Variants in FOXP1 observed in about 807,000 individuals in gnomAD.
The protein encoded by FOXP1 is forkhead box P1, also known as forkhead box protein P1.
In FOXP1, 15 loss-of-function variants were observed where a neutral mutation model predicts 98.2. That is an observed-to-expected ratio of 0.15 (90% CI 0.10 to 0.24). The LOEUF is 0.24. Among genes scored for constraint, FOXP1 ranks in the 10% least tolerant of loss-of-function variants. The probability of loss-of-function intolerance (pLI) is 1.00; values close to 1 mark genes in which losing one functional copy is unlikely to be tolerated. For synonymous variants in FOXP1, 371 were observed against 314.5 expected, an observed-to-expected ratio of 1.18 and a Z score of -1.90; for missense variants, 633 against 848.5, an observed-to-expected ratio of 0.75 and a Z score of 3.15.
intron 7 of FOXP1, among the ~76,000 whole-genome samples, chr3:71,063,163 A>T (rs2051783811): frequency 6.6e-6 from 1 of 152,244 alleles, no homozygotes; most frequent in Admixed American, 6.5e-5. Context: ...CTGGGTAGGC[A>T]GTCTGTATTT....
At chr3:70,983,888 C>G (rs897869589) in intron 14 of FOXP1, among the ~76,000 whole-genome samples, 1 of 152,122 alleles carries the variant, frequency 6.6e-6, no homozygotes, top group Admixed American at 6.6e-5. Flanking sequence ...CTCCCTCCCC[C>G]AAATGAAGTA....
intron 2 of FOXP1, among the ~76,000 whole-genome samples, chr3:71,524,373 A>C (rs2043215769): frequency 6.6e-6 from 1 of 152,172 alleles, no homozygotes; most frequent in South Asian, 2.1e-4. Context: ...AAAAACAAAC[A>C]AAGAAAAAAT....
At chr3:71,112,717 G>A (rs1042280185) in intron 6 of FOXP1, 80 bp from the exon 7 acceptor site, 39 of 1,053,700 alleles carry the variant, frequency 3.7e-5, no homozygotes, top group Non-Finnish European at 4.9e-5. Context: ...TCCAGGAAGT[G>A]CGCTTTGGGA....
intron 17 of FOXP1, among the ~76,000 whole-genome samples, chr3:70,974,432 GGACTAGAGACAT>G (rs1445763917): frequency 6.6e-6 from 1 of 151,808 alleles, no homozygotes; most frequent in African/African-American, 2.4e-5. Context: ...TGAGTAGTTG[GGACTAGAGACAT>G]GTGTCACCAC....
chr3:71,005,850 C>G (rs2042740778), intron 12 of FOXP1, among the ~76,000 whole-genome samples: 1 of 152,082 alleles, frequency 6.6e-6, no homozygotes, highest in South Asian at 2.1e-4. Context: ...ATACAGCACA[C>G]ATAAAATAAA....
intron 4 of FOXP1, among the ~76,000 whole-genome samples, chr3:71,347,027 T>G (rs2077409375): frequency 6.6e-6 from 1 of 152,102 alleles, no homozygotes; most frequent in East Asian, 1.9e-4. Context: ...AGAGCAAGAC[T>G]CCATCTCAAA....
chr3:71,123,602 C>T (rs942890390), intron 6 of FOXP1, among the ~76,000 whole-genome samples: 2 of 152,186 alleles, frequency 1.3e-5, no homozygotes, highest in African/African-American at 4.8e-5. Flanking sequence ...TAAAGTCCAG[C>T]CACAGTTAAT....
At chr3:71,529,796 G>A (rs114464865) in intron 2 of FOXP1, among the ~76,000 whole-genome samples, 2 of 152,122 alleles carry the variant, frequency 1.3e-5, no homozygotes, top group East Asian at 1.9e-4. Context: ...CTTGTCCTGC[G>A]ACTGTCTTCC....
intron 9 of FOXP1, 121 bp downstream of exon 9, chr3:71,052,416 G>A: frequency 2.7e-6 from 2 of 753,670 alleles, no homozygotes; most frequent in South Asian, 1.4e-5. Flanking sequence ...CAGTCTGAAA[G>A]CTGAGAACCG....
At chr3:71,198,432 G>GCC in intron 5 of FOXP1, 40 bp from the exon 6 acceptor site, 2 of 491,034 alleles carry the variant, frequency 4.1e-6, no homozygotes, top group Non-Finnish European at 8.0e-6. Context: ...GGGAGGGGGG[G>GCC]AGAAAAAAAA....
chr3:71,581,258 G>A (rs1409328248), intron 2 of FOXP1: 1 of 985,276 alleles, frequency 1.0e-6, no homozygotes, highest in East Asian at 1.1e-4. Flanking sequence ...AGTGGGGTGA[G>A]AAGGGGGGCG....
At chr3:70,961,690 A>C (rs973946347) in intron 20 of FOXP1, among the ~76,000 whole-genome samples, 2 of 152,038 alleles carry the variant, frequency 1.3e-5, no homozygotes, top group African/African-American at 4.8e-5. Context: ...TGGCTGCATA[A>C]TTTTGGAAGC....
chr3:71,378,514 G>A (rs1014786523), intron 3 of FOXP1, among the ~76,000 whole-genome samples: 7 of 151,948 alleles, frequency 4.6e-5, no homozygotes, highest in Non-Finnish European at 8.8e-5. Context: ...CTTTGTCCAG[G>A]GTCTCCATGC....
chr3:71,134,628 AG>A (rs961084045), intron 6 of FOXP1, among the ~76,000 whole-genome samples: 2 of 152,250 alleles, frequency 1.3e-5, no homozygotes, highest in Non-Finnish European at 2.9e-5. Context: ...GGGCAATTAA[AG>A]CCAAAGATAC....
intron 6 of FOXP1, chr3:71,130,627 T>C (rs750515529): frequency 3.1e-6 from 5 of 1,598,280 alleles, no homozygotes; most frequent in Admixed American, 1.7e-5. Context: ...GATGTTTGAA[T>C]AAACAGGAAG....
chr3:71,291,712 ATT>A (rs11438381), intron 5 of FOXP1, among the ~76,000 whole-genome samples: 24,950 of 124,680 alleles, frequency 0.2, 1,920 homozygotes, highest in Middle Eastern at 0.27. Context: ...CTTATTCTGT[ATT>A]TTTTTTTTTT....
At chr3:71,106,251 T>C (rs1377274776) in intron 7 of FOXP1, among the ~76,000 whole-genome samples, 2 of 152,268 alleles carry the variant, frequency 1.3e-5, no homozygotes, top group Non-Finnish European at 2.9e-5. Flanking sequence ...CATGATTACA[T>C]ATAAAATATT....
At chr3:71,036,784 T>C (rs1255897266) in intron 11 of FOXP1, among the ~76,000 whole-genome samples, 1 of 152,212 alleles carries the variant, frequency 6.6e-6, no homozygotes, top group East Asian at 1.9e-4. Context: ...GCCTGGTAAA[T>C]ATGAATATAC....
chr3:71,376,885 G>A (rs1465460905), intron 3 of FOXP1, among the ~76,000 whole-genome samples: 1 of 151,990 alleles, frequency 6.6e-6, no homozygotes, highest in Non-Finnish European at 1.5e-5. Context: ...ATACAAAGAA[G>A]CAAAGATAAA....
Sources: allele counts gnomAD v4.1 joint callset (sites outside exome capture counted in the v4.1 genomes callset), GRCh38; gene constraint gnomAD v4.1.1; transcripts MANE v1.5; gene names NCBI Gene and HGNC (gene_info 2026-07-23, HGNC 2026-07-21).